Variants in TAF2 observed in about 807,000 individuals in gnomAD.
TAF2 encodes the protein transcription initiation factor TFIID subunit 2.
A neutral mutation model predicts 138.5 loss-of-function variants in TAF2; 61 were observed. That is an observed-to-expected ratio of 0.44 (90% confidence interval 0.36 to 0.54). The LOEUF (loss-of-function observed/expected upper bound fraction) is 0.54. Among genes scored for constraint, TAF2 ranks in the 20% least tolerant of loss-of-function variants. The pLI is 0.00. For synonymous variants in TAF2, 475 were observed against 469.9 expected, an observed-to-expected ratio of 1.01 and a Z score of -0.14; for missense variants, 1,090 against 1,427.9, an observed-to-expected ratio of 0.76 and a Z score of 3.81.
intron 3 of TAF2, among the ~76,000 whole-genome samples, chr8:119,815,001 G>A (rs766502000): frequency 6.6e-6 from 1 of 151,856 alleles, no homozygotes; most frequent in Non-Finnish European, 1.5e-5. Flanking sequence ...CAGAACTTTG[G>A]GAGGCCGAGG....
intron 18 of TAF2, among the ~76,000 whole-genome samples, chr8:119,764,924 A>T (rs935491889): frequency 6.6e-6 from 1 of 152,208 alleles, no homozygotes; most frequent in Non-Finnish European, 1.5e-5. Context: ...GGAAGGAAAG[A>T]ATCTTACCAA....
At position 119,731,320 on chromosome 8, in the gene TAF2, AAAG is replaced by A. The variant is rs1414416753; in HGVS notation, c.*601_*603del. 1.3e-5 allele frequency: 2 copies of A among 152,272 alleles called. No individual in the cohort carries two copies. The highest frequency in any genetic ancestry group is 2.9e-5 in the Non-Finnish European group (2 of 68,066). 9.4% of individuals were successfully genotyped at this position (152,272 alleles called of 1,614,324 possible). A position where few individuals can be genotyped will look rare whatever the true frequency, so the allele number is the denominator to read the frequency against. The stretch of plus-strand genomic sequence containing the variant: ...GATAGTTATTCAAAATTTTTTTAAA[AAAG>A]AATTGCTTCCCCAAATCTCAGTATT... On this transcript the variant is annotated 3_prime_UTR_variant, in exon 26 of 26. Coordinates refer to ENST00000378164, the MANE Select transcript of TAF2 (RefSeq NM_003184.4).
intron 2 of TAF2, among the ~76,000 whole-genome samples, chr8:119,829,032 T>C (rs1219658639): frequency 1.3e-5 from 2 of 152,222 alleles, no homozygotes; most frequent in African/African-American, 2.4e-5. Context: ...CATAGGACTT[T>C]GTAAGTTCCC....
chr8:119,805,064 T>C (rs1451760426), intron 4 of TAF2, among the ~76,000 whole-genome samples: 2 of 152,106 alleles, frequency 1.3e-5, no homozygotes, highest in Non-Finnish European at 2.9e-5. Flanking sequence ...CGGAAACCAA[T>C]AAACAAAACA....
intron 3 of TAF2, among the ~76,000 whole-genome samples, chr8:119,808,421 C>T (rs944897270): frequency 1.3e-5 from 2 of 152,202 alleles, no homozygotes; most frequent in African/African-American, 4.8e-5. Flanking sequence ...GCAGTTACTT[C>T]CTTCTCTAAA....
intron 25 of TAF2, among the ~76,000 whole-genome samples, 195 bp downstream of exon 25, chr8:119,742,339 C>T (rs189283198): frequency 0.014 from 1,149 of 83,412 alleles, 17 homozygotes; most frequent in African/African-American, 0.032. Flanking sequence ...AATAGGAATA[C>T]ATTACTTTTG....
chr8:119,785,153 G>T, intron 15 of TAF2, 48 bp downstream of exon 15: 2 of 1,464,114 alleles, frequency 1.4e-6, no homozygotes, highest in South Asian at 1.1e-5. Context: ...GTAGACAGAT[G>T]AGAATGCAGA....
At chr8:119,814,737 C>CAAAAAAAA (rs397795248) in intron 3 of TAF2, among the ~76,000 whole-genome samples, 630 of 86,176 alleles carry the variant, frequency 7.3e-3, no homozygotes, top group Non-Finnish European at 8.8e-3. Flanking sequence ...ACCAAAAATA[C>CAAAAAAAA]AAAAAAAAAA....
chr8:119,819,266 T>C, intron 3 of TAF2, 80 bp downstream of exon 3: 5 of 1,466,612 alleles, frequency 3.4e-6, no homozygotes, highest in Non-Finnish European at 4.7e-6. Context: ...AAAAAAATAC[T>C]TTGAGAAAAA....
At chr8:119,804,129 T>A in intron 4 of TAF2, 110 bp from the exon 5 acceptor site, 1 of 1,312,332 alleles carries the variant, frequency 7.6e-7, no homozygotes, top group Non-Finnish European at 1.1e-6. Flanking sequence ...CTGAGATTTA[T>A]ATGAAAAACC....
At chr8:119,832,200 G>A (rs1365647065) in intron 1 of TAF2, among the ~76,000 whole-genome samples, 1 of 151,818 alleles carries the variant, frequency 6.6e-6, no homozygotes, top group South Asian at 2.1e-4. Context: ...TACCAATTGG[G>A]ATAATTTTTT....
At chr8:119,767,719 C>G (rs1307644941) in intron 18 of TAF2, among the ~76,000 whole-genome samples, 2 of 152,248 alleles carry the variant, frequency 1.3e-5, no homozygotes, top group Non-Finnish European at 2.9e-5. Context: ...AGCAGGCAGA[C>G]AGCAGAATGT....
At chr8:119,824,375 G>A (rs972255522) in intron 2 of TAF2, among the ~76,000 whole-genome samples, 27 of 150,874 alleles carry the variant, frequency 1.8e-4, no homozygotes, top group African/African-American at 6.1e-4. Flanking sequence ...GTTGCAGCGA[G>A]CTGAGATTGA....
At chr8:119,795,659 CT>C (rs773475804) in intron 8 of TAF2, 28 bp from the exon 9 acceptor site, 45 of 1,594,502 alleles carry the variant, frequency 2.8e-5, no homozygotes, top group Non-Finnish European at 3.4e-5. Context: ...GCATAAATTA[CT>C]TTTAATCATA....
chr8:119,787,072 A>G (rs1416114017), intron 14 of TAF2, among the ~76,000 whole-genome samples: 2 of 152,220 alleles, frequency 1.3e-5, no homozygotes, highest in African/African-American at 2.4e-5. Context: ...ATGAAACTAA[A>G]GAGTTTCTGC....
chr8:119,783,267 T>C, intron 16 of TAF2, 114 bp downstream of exon 16: 1 of 1,343,984 alleles, frequency 7.4e-7, no homozygotes, highest in Non-Finnish European at 1.0e-6. Flanking sequence ...TGGCAAAAGC[T>C]TTCAAAGAAT....
At chr8:119,758,192 A>G in intron 20 of TAF2, 50 bp from the exon 21 acceptor site, 4 of 1,438,482 alleles carry the variant, frequency 2.8e-6, no homozygotes, top group Non-Finnish European at 3.9e-6. Context: ...AAATTAAATA[A>G]TGAATAATGA....
At chr8:119,832,120 T>C (rs939024205) in intron 1 of TAF2, among the ~76,000 whole-genome samples, 17 of 151,848 alleles carry the variant, frequency 1.1e-4, no homozygotes, top group South Asian at 6.2e-4. Flanking sequence ...GATCGCGCCG[T>C]TGCACTCCAG....
In TAF2 at chr8:119,795,630, A is replaced by T; in HGVS notation, c.1093T>A (p.Ser365Thr). The change falls in exon 9 of 26, where the codon TCT (serine) becomes ACT (threonine). Residue 365 changes from serine (S) to threonine (T), a missense_variant and splice_region_variant. Coordinates refer to ENST00000378164, the MANE Select transcript of TAF2 (RefSeq NM_003184.4). ...ATTCCCTTCAGCACCCATTCATCAG[A>T]CCTAAGCAAAAAGTCAAAGCATAAA... ...FGCFISRMSW[S>T]DEWVLKGISG... 6.2e-7 allele frequency: 1 copy of T among 1,613,618 alleles called. No homozygotes were observed. Among genetic ancestry groups the T allele is most frequent in the South Asian group, 1.1e-5 (1 of 91,070 alleles).
Sources: gnomAD v4.1 joint callset for allele counts (sites outside exome capture counted in the v4.1 genomes callset) on GRCh38, gnomAD v4.1.1 for gene constraint, MANE v1.5 for transcripts, NCBI Gene and HGNC (gene_info 2026-07-23, HGNC 2026-07-21) for gene names.